Variants in FLVCR2 observed in about 807,000 individuals in gnomAD.
FLVCR2 encodes choline/ethanolamine transporter FLVCR2.
Under a neutral mutation model 48.9 loss-of-function variants are expected in FLVCR2, and 38 were observed. The observed-to-expected ratio is 0.78, with a 90% CI of 0.60 to 1.02. FLVCR2 has a LOEUF of 1.02. Among genes scored for constraint, FLVCR2 ranks in the 50% least tolerant of loss-of-function variants. The probability of loss-of-function intolerance (pLI) is 0.00; values close to 1 mark genes in which losing one functional copy is unlikely to be tolerated. For synonymous variants in FLVCR2, 255 were observed against 257.0 expected (o/e 0.99, Z 0.07); for missense variants, 664 against 663.3 (o/e 1.00, Z -0.01).
chr14:75,639,461 G>A lies in FLVCR2; in HGVS notation c.1234G>A (p.Gly412Ser). ...WVVFITAGTM[G>S]FFMTGYLPLG... ...AGTGTTCATCACTGCTGGCACAATG[G>A]GGTAAGTTTCACCTCTGGCTGATTT... is the stretch of plus-strand genomic sequence containing the variant. Residue 412 changes from glycine (G) to serine (S), a missense_variant and splice_region_variant, in exon 6 of 10, where the codon GGC (glycine) becomes AGC (serine). By Grantham distance (56) the Gly-to-Ser change is moderately conservative. Transcript: ENST00000238667. 1.2e-6 allele frequency: 2 copies of A among 1,602,606 alleles called. No homozygotes were observed. Among genetic ancestry groups the A allele is most frequent in the South Asian group, 1.1e-5 (1 of 90,824 alleles).
intron 1 of FLVCR2, among the ~76,000 whole-genome samples, chr14:75,608,928 GT>G (rs913909585): frequency 5.9e-5 from 9 of 152,102 alleles, no homozygotes; most frequent in African/African-American, 1.4e-4. Context: ...CTTTGTCTCT[GT>G]TCTACAACAA....
chr14:75,640,791 C>G, intron 6 of FLVCR2, 164 bp from the exon 7 acceptor site: 1 of 682,386 alleles, frequency 1.5e-6, no homozygotes, highest in Non-Finnish European at 2.7e-6. Context: ...GTGCCCGTCT[C>G]CTTGGTATGA....
rs773791424 is a variant in FLVCR2 at position 75,579,074 on chromosome 14, G to A, written c.102G>A (p.Ser34=). Residue 34 remains serine, a synonymous_variant, in exon 1 of 10, where the codon TCG becomes TCA. Coordinates refer to ENST00000238667, the MANE Select transcript of FLVCR2 (RefSeq NM_017791.3). ...DPSVSVHPSV[S]VHPSVSINPS... is the part of the protein sequence containing the mutation. ...GCGTCTCGGTCCATCCCAGCGTCTCGGTCCATCCCAGCGTCTCCATCAACC... is the reference window on the plus strand; with the variant it reads ...GCGTCTCGGTCCATCCCAGCGTCTCAGTCCATCCCAGCGTCTCCATCAACC... 5 of 1,610,082 alleles carry A rather than the reference G, an allele frequency of 3.1e-6. No individual in the cohort carries two copies. In the South Asian group the frequency reaches 3.3e-5, roughly 11 times the overall value.
At chr14:75,583,576 G>GGGCA (rs1043691181) in intron 1 of FLVCR2, among the ~76,000 whole-genome samples, 6 of 152,126 alleles carry the variant, frequency 3.9e-5, no homozygotes, top group African/African-American at 1.4e-4. Context: ...CTGGGGAAAA[G>GGGCA]GGCAGGAATG....
At chr14:75,628,785 C>T (rs1320944697) in intron 3 of FLVCR2, among the ~76,000 whole-genome samples, 1 of 152,184 alleles carries the variant, frequency 6.6e-6, no homozygotes, top group African/African-American at 2.4e-5. Flanking sequence ...ATACTCTCCA[C>T]CCCCACTAGA....
At chr14:75,639,699 C>G (rs2140053295) in intron 6 of FLVCR2, among the ~76,000 whole-genome samples, 1 of 152,238 alleles carries the variant, frequency 6.6e-6, no homozygotes, top group South Asian at 2.1e-4. Context: ...CTCTTGGAGG[C>G]TAGAACCTGT....
At chr14:75,598,898 G>GTC in intron 1 of FLVCR2, among the ~76,000 whole-genome samples, 1 of 152,270 alleles carries the variant, frequency 6.6e-6, no homozygotes, top group East Asian at 1.9e-4. Context: ...TATTTAACTT[G>GTC]TCTCTTGTTA....
intron 1 of FLVCR2, among the ~76,000 whole-genome samples, chr14:75,617,898 A>G (rs1050621953): frequency 6.6e-6 from 1 of 152,140 alleles, no homozygotes; most frequent in African/African-American, 2.4e-5. Context: ...TCAGACCTGA[A>G]GGATATCTGC....
At chr14:75,602,723 A>T (rs917098389) in intron 1 of FLVCR2, among the ~76,000 whole-genome samples, 4 of 152,212 alleles carry the variant, frequency 2.6e-5, no homozygotes, top group African/African-American at 9.6e-5. Flanking sequence ...TCAGATTGGG[A>T]AGATGAAAAA....
intron 1 of FLVCR2, among the ~76,000 whole-genome samples, chr14:75,616,589 T>C (rs1239772518): frequency 6.6e-6 from 1 of 152,182 alleles, no homozygotes; most frequent in Non-Finnish European, 1.5e-5. Flanking sequence ...CTCTGAAATC[T>C]AAGGGAACAT....
intron 2 of FLVCR2, among the ~76,000 whole-genome samples, chr14:75,624,178 A>G (rs1889834391): frequency 6.6e-6 from 1 of 152,136 alleles, no homozygotes; most frequent in African/African-American, 2.4e-5. Flanking sequence ...CCTGGGCAAC[A>G]TGGCAAAACC....
At chr14:75,605,637 C>A in intron 1 of FLVCR2, 1 of 1,535,744 alleles carries the variant, frequency 6.5e-7, no homozygotes, top group East Asian at 2.4e-5. Context: ...GAGGATAGAT[C>A]TTACTTCCTT....
rs781757236 is a variant in FLVCR2, at chr14:75,579,394, T to C, written c.422T>C (p.Val141Ala). The change falls in exon 1 of 10, where the codon GTG becomes GCG. Residue 141 changes from valine (V) to alanine (A), a missense_variant. Transcript: ENST00000238667. ...MLTYIPLLLPVAWLLEKFGLR... is the reference protein window; with the variant it reads ...MLTYIPLLLPAAWLLEKFGLR... The stretch of plus-strand genomic sequence containing the variant: ...ACTTACATCCCTCTGCTCCTGCCAG[T>C]GGCTTGGCTGCTGGAGAAGTTCGGC... The C allele has an allele frequency of 6.2e-7, 1 of 1,614,212 alleles. No homozygotes were observed. The highest frequency in any genetic ancestry group is 2.2e-5 in the East Asian group (1 of 44,892).
Position 75,637,599 on chromosome 14 carries a change from C to T in FLVCR2, c.1125-1753C>T, listed in dbSNP as rs570324617. Among the ~76,000 whole-genome samples the T allele has an allele frequency of 1.1e-4, 16 of 151,876 alleles. No homozygotes were observed. In the South Asian group the frequency reaches 1.2e-3, roughly 12 times the overall value. ...AAAAAACATTAGCCAGGCGTGGTGG[C>T]GGGCCCCTGTAGTCCCAGCTGCTTG... On this transcript the variant is annotated intron_variant, in intron 5 of 9. Coordinates refer to ENST00000238667, the MANE Select transcript of FLVCR2 (RefSeq NM_017791.3).
At position 75,632,186 on chromosome 14, in the gene FLVCR2, A is replaced by G. The variant is rs140174435; in HGVS notation, c.953-1443A>G. The stretch of plus-strand genomic sequence containing the variant: ...ATCTGGAGCCACAGGGCCTGAGTTC[A>G]AATCCAGCTCCATCACTTAATACCT... On this transcript the variant is annotated intron_variant, in intron 3 of 9. Coordinates refer to ENST00000238667, the MANE Select transcript of FLVCR2 (RefSeq NM_017791.3). Among the ~76,000 whole-genome samples the G allele has an allele frequency of 2.6e-5, 4 of 152,372 alleles. No individual in the cohort carries two copies. The East Asian group carries it at 7.7e-4, about 29-fold the overall frequency.
chr14:75,624,825 T>C (rs1173043268), intron 3 of FLVCR2, 73 bp downstream of exon 3: 4 of 1,554,946 alleles, frequency 2.6e-6, no homozygotes, highest in African/African-American at 1.4e-5. Flanking sequence ...TGTCTTCATA[T>C]ATTACTCTTT....
intron 1 of FLVCR2, among the ~76,000 whole-genome samples, chr14:75,599,315 C>A (rs563525240): frequency 6.7e-5 from 10 of 149,388 alleles, no homozygotes; most frequent in African/African-American, 2.5e-4. Flanking sequence ...TATACACTGA[C>A]AATGTACAAC....
At chr14:75,632,765 G>A in intron 3 of FLVCR2, 1 of 702,218 alleles carries the variant, frequency 1.4e-6, no homozygotes, top group South Asian at 1.5e-5. Context: ...CCCCCGGTGG[G>A]CATTATGGAG....
At chr14:75,592,861 C>A (rs996227405) in intron 1 of FLVCR2, among the ~76,000 whole-genome samples, 2 of 152,098 alleles carry the variant, frequency 1.3e-5, no homozygotes, top group Non-Finnish European at 2.9e-5. Context: ...CTGCCAGATG[C>A]CCTAGGTTAT....
Sources: allele counts gnomAD v4.1 joint callset (sites outside exome capture counted in the v4.1 genomes callset), GRCh38; gene constraint gnomAD v4.1.1; transcripts MANE v1.5; gene names NCBI Gene and HGNC (gene_info 2026-07-23, HGNC 2026-07-21).